SKA1: variants seen among roughly 807,000 people sequenced by gnomAD.
The protein encoded by SKA1 is SKA complex subunit 1.
In SKA1, 20 loss-of-function variants were observed where a neutral mutation model predicts 31.8. That is an observed-to-expected ratio of 0.63 (90% confidence interval 0.44 to 0.91). The LOEUF is 0.91. Among genes scored for constraint, SKA1 ranks in the 40% least tolerant of loss-of-function variants. The probability of loss-of-function intolerance (pLI) is 0.00; values close to 1 mark genes in which losing one functional copy is unlikely to be tolerated. For synonymous variants in SKA1, 88 were observed against 100.5 expected (o/e 0.88, Z 0.74); for missense variants, 253 against 298.2 (o/e 0.85, Z 1.12).
chr18:50,387,146 T>C (rs1012111324), intron 5 of SKA1, among the ~76,000 whole-genome samples: 5 of 152,264 alleles, frequency 3.3e-5, no homozygotes, highest in African/African-American at 1.2e-4. Context: ...AACATTCCTC[T>C]TGCTCCACAT....
At position 50,388,734 on chromosome 18, in the gene SKA1, C is replaced by G. The variant is rs1048929785; in HGVS notation, c.450-2390C>G. ...CTTTGTTTTGGATAACAGAACTGCTCTACTTTTCCTTGGCCTATTTCAAAA... is the reference window on the plus strand; with the variant it reads ...CTTTGTTTTGGATAACAGAACTGCTGTACTTTTCCTTGGCCTATTTCAAAA... On this transcript the variant is annotated intron_variant, in intron 5 of 6. Coordinates refer to ENST00000285116, the MANE Select transcript of SKA1 (RefSeq NM_145060.4). Among the ~76,000 whole-genome samples the G allele has an allele frequency of 3.3e-5, 5 of 152,236 alleles. No homozygotes were observed. In the East Asian group the frequency reaches 9.7e-4, roughly 29 times the overall value.
intron 4 of SKA1, 32 bp downstream of exon 4, chr18:50,382,258 G>A: frequency 3.1e-6 from 4 of 1,309,960 alleles, no homozygotes; most frequent in Non-Finnish European, 4.1e-6. Flanking sequence ...CTTGCTATCT[G>A]GATTTATAAA....
rs987876290 is a variant in SKA1 at position 50,392,514 on chromosome 18, G to A, written c.*267G>A. 3 of 223,254 alleles carry A rather than the reference G, an allele frequency of 1.3e-5. No individual in the cohort carries two copies. The highest frequency in any genetic ancestry group is 2.6e-5 in the Non-Finnish European group (3 of 116,730). The allele number at this position is 223,254 out of a possible 1,614,324, so 13.8% of individuals were successfully genotyped here. A position where few individuals can be genotyped will look rare whatever the true frequency, so the allele number is the denominator to read the frequency against. ...CCCCTGAATGGCTGGGACTACAAGC[G>A]TGCGCCACCATGCCTGGCTAATTTT... is the stretch of plus-strand genomic sequence containing the variant. On this transcript the variant is annotated 3_prime_UTR_variant, in exon 7 of 7. Coordinates refer to ENST00000285116, the MANE Select transcript of SKA1 (RefSeq NM_145060.4).
rs772370867 is a variant in SKA1, at chr18:50,391,235, TTC to T, written c.563_564del (p.Ser188CysfsTer11). The T allele has an allele frequency of 1.9e-6, 3 of 1,604,886 alleles. No homozygotes were observed. The highest frequency in any genetic ancestry group is 2.5e-6 in the Non-Finnish European group (3 of 1,177,918). On this transcript the variant is annotated frameshift_variant, in exon 6 of 7. Coordinates refer to ENST00000285116, the MANE Select transcript of SKA1 (RefSeq NM_145060.4). LOFTEE classifies it high-confidence loss of function. ...TACATCAGCCAAAAAAGTCTATGAATTCTGTGACCAGAAATCTCTATCACAGA... is the reference window on the plus strand; with the variant it reads ...TACATCAGCCAAAAAAGTCTATGAATTGTGACCAGAAATCTCTATCACAGA... ...ILHQPKKSMNSVTRNLYHRFI... is the reference protein window; with the variant it reads ...ILHQPKKSMNXVTRNLYHRFI...
rs761407420 is a variant in SKA1, at chr18:50,392,268, C to T, written c.*21C>T. The T allele has an allele frequency of 6.6e-7, 1 of 1,514,604 alleles. No individual in the cohort carries two copies. Among genetic ancestry groups the T allele is most frequent in the Non-Finnish European group, 8.8e-7 (1 of 1,133,312 alleles). The allele number at this position is 1,514,604 out of a possible 1,614,324, so 93.8% of individuals were successfully genotyped here. On this transcript the variant is annotated 3_prime_UTR_variant, in exon 7 of 7. Transcript: ENST00000285116. The stretch of plus-strand genomic sequence containing the variant: ...CCTGAGTCCCTTGTGAACTTTTGAA[C>T]ATACCAACAGGGTATAGAGTATAGA...
chr18:50,383,049 AT>A (rs2041275381), intron 4 of SKA1, among the ~76,000 whole-genome samples: 1 of 152,114 alleles, frequency 6.6e-6, no homozygotes, highest in Non-Finnish European at 1.5e-5. Flanking sequence ...AAATAAATAA[AT>A]AAAAGCCAAA....
chr18:50,384,870 T>TAAAAAAAAAAAAAAAAAAAAAAAAAAA, intron 4 of SKA1, among the ~76,000 whole-genome samples: 1 of 61,306 alleles, frequency 1.6e-5, no homozygotes, highest in Non-Finnish European at 2.9e-5. Flanking sequence ...AAAAAAAAAA[T>TAAAAAAAAAAAAAAAAAAAAAAAAAAA]TAAAAAAAAA....
chr18:50,381,610 C>T (rs1020023112), intron 3 of SKA1, among the ~76,000 whole-genome samples: 20 of 151,942 alleles, frequency 1.3e-4, no homozygotes, highest in Admixed American at 5.2e-4. Flanking sequence ...GAAAAAAATC[C>T]AGTAGAGAAA....
At chr18:50,384,870 T>TAAAAAAAAAAAAAAAAAAAAAAAAA (rs1568329774) in intron 4 of SKA1, among the ~76,000 whole-genome samples, 14 of 61,266 alleles carry the variant, frequency 2.3e-4, no homozygotes, top group Admixed American at 6.1e-4. Context: ...AAAAAAAAAA[T>TAAAAAAAAAAAAAAAAAAAAAAAAA]TAAAAAAAAA....
At chr18:50,387,222 T>C (rs2041316591) in intron 5 of SKA1, among the ~76,000 whole-genome samples, 1 of 152,238 alleles carries the variant, frequency 6.6e-6, no homozygotes, top group Admixed American at 6.5e-5. Flanking sequence ...TATAGTGGTA[T>C]CTAATTATTT....
At chr18:50,375,799 T>C in intron 1 of SKA1, 21 bp from the exon 2 acceptor site, 1 of 1,438,506 alleles carries the variant, frequency 7.0e-7, no homozygotes, top group South Asian at 1.3e-5. Flanking sequence ...GTTACGAATA[T>C]GTTTATGTTT....
intron 2 of SKA1, 64 bp downstream of exon 2, chr18:50,375,982 A>G (rs1371149434): frequency 9.8e-7 from 1 of 1,017,442 alleles, no homozygotes; most frequent in Admixed American, 2.2e-5. Context: ...TCCACTCTGA[A>G]TGATATCTTT....
intron 5 of SKA1, 86 bp downstream of exon 5, chr18:50,385,439 A>G: frequency 2.6e-6 from 3 of 1,140,392 alleles, no homozygotes; most frequent in Non-Finnish European, 3.7e-6. Context: ...ATTAATTGTA[A>G]TATGCTATGT....
At chr18:50,384,872 A>AAAT (rs2041293144) in intron 4 of SKA1, among the ~76,000 whole-genome samples, 1 of 68,786 alleles carries the variant, frequency 1.5e-5, no homozygotes, top group Non-Finnish European at 2.6e-5. Flanking sequence ...AAAAAAAATT[A>AAAT]AAAAAAAAAA....
intron 2 of SKA1, among the ~76,000 whole-genome samples, chr18:50,377,825 T>A (rs2041232240): frequency 1.3e-5 from 2 of 152,224 alleles, no homozygotes; most frequent in South Asian, 4.1e-4. Flanking sequence ...ACGTTGATAT[T>A]CTCAGTCCTG....
At chr18:50,380,277 T>C in intron 3 of SKA1, 27 bp downstream of exon 3, 1 of 1,529,008 alleles carries the variant, frequency 6.5e-7, no homozygotes. Context: ...GAGGAAGCAG[T>C]AAAAAAGACA....
chr18:50,388,474 G>A (rs1044868562), intron 5 of SKA1, among the ~76,000 whole-genome samples: 3 of 152,162 alleles, frequency 2.0e-5, no homozygotes, highest in African/African-American at 7.2e-5. Flanking sequence ...CTTGTAGCTT[G>A]CTAAGTGTTA....
At chr18:50,384,976 T>G (rs1360325712) in intron 4 of SKA1, among the ~76,000 whole-genome samples, 2 of 150,640 alleles carry the variant, frequency 1.3e-5, no homozygotes, top group African/African-American at 2.4e-5. Flanking sequence ...CTGATGAAGA[T>G]ATCATGTTAC....
At chr18:50,387,206 T>C (rs904962961) in intron 5 of SKA1, among the ~76,000 whole-genome samples, 6 of 152,258 alleles carry the variant, frequency 3.9e-5, no homozygotes, top group Admixed American at 3.9e-4. Flanking sequence ...GCCACTCTAA[T>C]AGGTGTATAG....
Sources: gnomAD v4.1 joint callset for allele counts (sites outside exome capture counted in the v4.1 genomes callset) on GRCh38, gnomAD v4.1.1 for gene constraint, MANE v1.5 for transcripts, NCBI Gene and HGNC (gene_info 2026-07-23, HGNC 2026-07-21) for gene names.